COX7B2: variants seen among roughly 807,000 people sequenced by gnomAD.
COX7B2 encodes cytochrome c oxidase subunit 7B2, mitochondrial.
For synonymous variants in COX7B2, 37 were observed against 32.1 expected, an observed-to-expected ratio of 1.15 and a Z score of -0.51; for missense variants, 109 against 95.9, an observed-to-expected ratio of 1.14 and a Z score of -0.57.
intron 2 of COX7B2, among the ~76,000 whole-genome samples, chr4:46,756,116 A>G (rs1715781312): frequency 6.6e-6 from 1 of 152,028 alleles, no homozygotes; most frequent in African/African-American, 2.4e-5. Flanking sequence ...AAATAGACAC[A>G]TCAGTCAATG....
chr4:46,830,900 C>T (rs532490916), intron 2 of COX7B2, among the ~76,000 whole-genome samples: 8 of 152,326 alleles, frequency 5.3e-5, no homozygotes, highest in Admixed American at 1.3e-4. Flanking sequence ...AGCCTTTGCT[C>T]GCTCTTGGCG....
chr4:46,818,947 C>A (rs1714057156), intron 2 of COX7B2, among the ~76,000 whole-genome samples: 1 of 152,166 alleles, frequency 6.6e-6, no homozygotes, highest in African/African-American at 2.4e-5. Flanking sequence ...ATTCTTTCTA[C>A]TTATTACAGT....
intron 1 of COX7B2, among the ~76,000 whole-genome samples, chr4:46,885,364 A>AC (rs1275917856): frequency 6.6e-6 from 1 of 152,168 alleles, no homozygotes; most frequent in Non-Finnish European, 1.5e-5. Flanking sequence ...AAATATAAAA[A>AC]ATTTTGAAAC....
At chr4:46,874,748 A>G (rs1323808957) in intron 1 of COX7B2, among the ~76,000 whole-genome samples, 1 of 152,162 alleles carries the variant, frequency 6.6e-6, no homozygotes, top group African/African-American at 2.4e-5. Context: ...TACTTGGCCA[A>G]ATTCCTGCAA....
intron 2 of COX7B2, among the ~76,000 whole-genome samples, chr4:46,805,548 T>A (rs1718953713): frequency 6.6e-6 from 1 of 152,222 alleles, no homozygotes; most frequent in Non-Finnish European, 1.5e-5. Context: ...ATGCTAAAGA[T>A]AAGACTACTG....
intron 1 of COX7B2, among the ~76,000 whole-genome samples, chr4:46,881,812 T>C (rs1718764261): frequency 6.6e-6 from 1 of 152,126 alleles, no homozygotes; most frequent in South Asian, 2.1e-4. Flanking sequence ...CCAAGATATT[T>C]TCCTTTCACA....
intron 1 of COX7B2, among the ~76,000 whole-genome samples, chr4:46,907,928 A>AC: frequency 7.4e-6 from 1 of 135,920 alleles, no homozygotes; most frequent in South Asian, 2.3e-4. Flanking sequence ...ATCTCAGCTC[A>AC]CTGCAACCTC....
chr4:46,880,038 T>C (rs1718613902), intron 1 of COX7B2, among the ~76,000 whole-genome samples: 1 of 152,196 alleles, frequency 6.6e-6, no homozygotes, highest in Admixed American at 6.5e-5. Flanking sequence ...GTGCCGGTTT[T>C]CATGGGAATG....
chr4:46,755,767 A>T (rs551583151), intron 2 of COX7B2, among the ~76,000 whole-genome samples: 98 of 152,206 alleles, frequency 6.4e-4, no homozygotes, highest in African/African-American at 2.1e-3. Flanking sequence ...GAGGTGAAAG[A>T]TCTCTATAAG....
chr4:46,747,298 T>TTTTA (rs1553878861), intron 2 of COX7B2, among the ~76,000 whole-genome samples: 29 of 149,370 alleles, frequency 1.9e-4, no homozygotes, highest in African/African-American at 3.9e-4. Context: ...TTTTATTTTA[T>TTTTA]TTTATTTTAT....
At chr4:46,767,875 T>C (rs139812729) in intron 2 of COX7B2, among the ~76,000 whole-genome samples, 2 of 152,368 alleles carry the variant, frequency 1.3e-5, no homozygotes, top group Non-Finnish European at 2.9e-5. Flanking sequence ...GGTGGGATAG[T>C]TCCCTTGACC....
At chr4:46,829,739 G>A (rs1041246270) in intron 2 of COX7B2, among the ~76,000 whole-genome samples, 1 of 152,182 alleles carries the variant, frequency 6.6e-6, no homozygotes, top group Admixed American at 6.5e-5. Flanking sequence ...GTAGGAAAAT[G>A]AGCAGGGTGT....
At chr4:46,879,236 T>C (rs1718550807) in intron 1 of COX7B2, among the ~76,000 whole-genome samples, 1 of 152,044 alleles carries the variant, frequency 6.6e-6, no homozygotes. Flanking sequence ...TCAAGTGATC[T>C]CCTAACTCAG....
chr4:46,846,348 A>C (rs1028704026), intron 1 of COX7B2, among the ~76,000 whole-genome samples: 1 of 152,070 alleles, frequency 6.6e-6, no homozygotes, highest in Admixed American at 6.6e-5. Flanking sequence ...AATATAATGA[A>C]TAACCTATAT....
chr4:46,797,226 G>A (rs191425063), intron 2 of COX7B2, among the ~76,000 whole-genome samples: 156 of 150,414 alleles, frequency 1.0e-3, no homozygotes, highest in African/African-American at 3.6e-3. Context: ...ATAGCCCTTT[G>A]CCAGAATAAC....
At chr4:46,853,880 A>C (rs1716852134) in intron 1 of COX7B2, among the ~76,000 whole-genome samples, 1 of 152,174 alleles carries the variant, frequency 6.6e-6, no homozygotes, top group Non-Finnish European at 1.5e-5. Context: ...GTGGAACTTA[A>C]GTTTACCACA....
intron 2 of COX7B2, among the ~76,000 whole-genome samples, chr4:46,797,657 G>GGATA (rs1306578451): frequency 1.3e-5 from 2 of 152,156 alleles, no homozygotes; most frequent in African/African-American, 4.8e-5. Flanking sequence ...AGGACTTGAA[G>GGATA]GATACAGGGG....
chr4:46,789,651 G>A (rs533567147), intron 2 of COX7B2, among the ~76,000 whole-genome samples: 1 of 152,198 alleles, frequency 6.6e-6, no homozygotes, highest in African/African-American at 2.4e-5. Flanking sequence ...AAAGCGAATT[G>A]CCATCCACAT....
intron 2 of COX7B2, among the ~76,000 whole-genome samples, chr4:46,828,421 T>C (rs1394711271): frequency 1.3e-5 from 2 of 152,154 alleles, no homozygotes; most frequent in Non-Finnish European, 1.5e-5. Context: ...CACCAAATGT[T>C]AGAAAGTATA....
Sources: allele counts gnomAD v4.1 joint callset (sites outside exome capture counted in the v4.1 genomes callset), GRCh38; gene constraint gnomAD v4.1.1; transcripts MANE v1.5; gene names NCBI Gene and HGNC (gene_info 2026-07-23, HGNC 2026-07-21).